The following MEF2D variants were observed in gnomAD, a reference collection of about 807,000 sequenced individuals.
MEF2D encodes myocyte enhancer factor 2D, also known as myocyte-specific enhancer factor 2D.
In MEF2D, 10 loss-of-function variants were observed where a neutral mutation model predicts 59.3. The observed-to-expected ratio is 0.17, with a 90% CI of 0.10 to 0.29. The LOEUF (loss-of-function observed/expected upper bound fraction) is 0.29, where lower values mean the gene tolerates loss of function less well. Ranked by LOEUF, MEF2D falls within the 10% of genes least tolerant of loss-of-function variation. The pLI is 1.00. For missense variants in MEF2D, 508 were observed against 699.4 expected (o/e 0.73, Z 3.09); for synonymous variants, 305 against 295.0 (o/e 1.03, Z -0.35).
chr1:156,494,452 C>T (rs1673009844), intron 1 of MEF2D, among the ~76,000 whole-genome samples: 1 of 152,106 alleles, frequency 6.6e-6, no homozygotes, highest in Non-Finnish European at 1.5e-5. Flanking sequence ...GTGGAGGAGG[C>T]AGGTTCTGAG....
chr1:156,473,086 C>T (rs1231531876), intron 9 of MEF2D, among the ~76,000 whole-genome samples: 1 of 150,376 alleles, frequency 6.6e-6, no homozygotes, highest in East Asian at 1.9e-4. Context: ...GGTGCAATCT[C>T]GGCTCATGGC....
At chr1:156,492,158 C>T (rs1672842172) in intron 1 of MEF2D, among the ~76,000 whole-genome samples, 1 of 152,244 alleles carries the variant, frequency 6.6e-6, no homozygotes, top group South Asian at 2.1e-4. Flanking sequence ...ATCCCATTCC[C>T]CTCTTTAGTG....
Position 156,479,847 on chromosome 1 carries a change from G to A in MEF2D, c.397-51C>T. Reference sequence around the variant, plus strand: ...ATCAGGCCAGGTTGACCCCTTCCATGGAGTCCACTTTTCCTGGGAGGGCAG... The same window carrying A: ...ATCAGGCCAGGTTGACCCCTTCCATAGAGTCCACTTTTCCTGGGAGGGCAG... On this transcript the variant is annotated intron_variant, in intron 4 of 11. Transcript: ENST00000348159. 4 of 1,516,584 alleles carry A rather than the reference G, an allele frequency of 2.6e-6. No homozygotes were observed. The South Asian group carries it at 4.8e-5, about 18-fold the overall frequency. The allele number at this position is 1,516,584 out of a possible 1,614,324, so 93.9% of individuals were successfully genotyped here.
chr1:156,499,381 A>G (rs1673338517), intron 1 of MEF2D: 1 of 152,092 alleles, frequency 6.6e-6, no homozygotes, highest in African/African-American at 2.4e-5. Flanking sequence ...CCCATCAACA[A>G]TGCACCAAGC....
intron 1 of MEF2D, among the ~76,000 whole-genome samples, chr1:156,485,992 G>A (rs887017417): frequency 6.6e-6 from 1 of 152,090 alleles, no homozygotes; most frequent in Non-Finnish European, 1.5e-5. Context: ...TGGGATTACA[G>A]GTGTCTGCCA....
rs199528924 is a variant in MEF2D at position 156,482,657 on chromosome 1, G to A, written c.55-17C>T. ...GAAAGTCACCTGCAGAGAAGGATGG[G>A]TGGGCGGCCAGATCTGGCTCAGTTA... On this transcript the variant is annotated splice_polypyrimidine_tract_variant and intron_variant, in intron 2 of 11. Coordinates refer to ENST00000348159, the MANE Select transcript of MEF2D (RefSeq NM_005920.4). 1.8e-4 allele frequency: 284 copies of A among 1,613,732 alleles called. No individual in the cohort carries two copies. In the African/African-American group the frequency reaches 3.5e-3, roughly 20 times the overall value.
chr1:156,472,436 C>T (rs899311889), intron 9 of MEF2D, among the ~76,000 whole-genome samples: 1 of 152,278 alleles, frequency 6.6e-6, no homozygotes, highest in Non-Finnish European at 1.5e-5. Flanking sequence ...GTGGTAACTA[C>T]ACACAGACAC....
intron 1 of MEF2D, among the ~76,000 whole-genome samples, chr1:156,487,111 G>A (rs1427688514): frequency 2.0e-5 from 3 of 152,228 alleles, no homozygotes; most frequent in Non-Finnish European, 4.4e-5. Context: ...GAGATGGAGA[G>A]GATGGGGTTG....
intron 1 of MEF2D, among the ~76,000 whole-genome samples, chr1:156,483,751 T>G (rs1294140732): frequency 6.6e-6 from 1 of 152,248 alleles, no homozygotes; most frequent in African/African-American, 2.4e-5. Context: ...TAGAACCTGC[T>G]TGTACTATAG....
At chr1:156,491,573 G>A (rs2102236913) in intron 1 of MEF2D, among the ~76,000 whole-genome samples, 1 of 152,284 alleles carries the variant, frequency 6.6e-6, no homozygotes, top group Admixed American at 6.5e-5. Context: ...TACCAAGTGG[G>A]GCACACAAGG....
chr1:156,499,028 T>A (rs905591036), intron 1 of MEF2D, among the ~76,000 whole-genome samples: 3 of 152,164 alleles, frequency 2.0e-5, no homozygotes, highest in Admixed American at 6.5e-5. Flanking sequence ...GCCTTTTCAA[T>A]GCTCTCCTCA....
intron 6 of MEF2D, among the ~76,000 whole-genome samples, chr1:156,479,019 C>T (rs1671807462): frequency 6.6e-6 from 1 of 152,230 alleles, no homozygotes; most frequent in South Asian, 2.1e-4. Flanking sequence ...ACTGCAAAAA[C>T]TTGGGTCTTC....
chr1:156,497,061 TC>T (rs898754789), intron 1 of MEF2D, among the ~76,000 whole-genome samples: 10 of 151,968 alleles, frequency 6.6e-5, no homozygotes, highest in Non-Finnish European at 7.4e-5. Context: ...GCCATCTCTC[TC>T]CCCCCCAGCT....
intron 9 of MEF2D, 66 bp from the exon 10 acceptor site, chr1:156,469,086 C>T: frequency 6.5e-7 from 1 of 1,536,140 alleles, no homozygotes; most frequent in Middle Eastern, 1.8e-4. Context: ...TATGAGGGAG[C>T]TGCCTCCAGG....
At chr1:156,480,600 C>G in intron 4 of MEF2D, 1 of 1,518,712 alleles carries the variant, frequency 6.6e-7, no homozygotes, top group Non-Finnish European at 8.9e-7. Context: ...CGCGAAGCCA[C>G]ACCATGCACC....
chr1:156,469,079 G>A (rs966666042), intron 9 of MEF2D, 59 bp from the exon 10 acceptor site: 13 of 1,541,926 alleles, frequency 8.4e-6, no homozygotes, highest in African/African-American at 1.4e-5. Context: ...AGGCTCCTAT[G>A]AGGGAGCTGC....
chr1:156,487,211 G>A (rs185372469), intron 1 of MEF2D, among the ~76,000 whole-genome samples: 5 of 152,356 alleles, frequency 3.3e-5, no homozygotes, highest in East Asian at 3.9e-4. Context: ...GAGCTGGGAC[G>A]AGAGAGGGAT....
intron 1 of MEF2D, among the ~76,000 whole-genome samples, chr1:156,492,294 G>C (rs1272558109): frequency 6.6e-6 from 1 of 152,228 alleles, no homozygotes; most frequent in Non-Finnish European, 1.5e-5. Flanking sequence ...AGGTAGGACA[G>C]ATATAAGACT....
At chr1:156,473,695 G>A (rs1296865552) in intron 9 of MEF2D, among the ~76,000 whole-genome samples, 2 of 152,180 alleles carry the variant, frequency 1.3e-5, no homozygotes, top group African/African-American at 2.4e-5. Context: ...TGGCCCTAGG[G>A]ACCCAGGACA....
Sources: allele counts gnomAD v4.1 joint callset (sites outside exome capture counted in the v4.1 genomes callset), GRCh38; gene constraint gnomAD v4.1.1; transcripts MANE v1.5; gene names NCBI Gene and HGNC (gene_info 2026-07-23, HGNC 2026-07-21).